The following STK33 variants were observed in gnomAD, a reference collection of about 807,000 sequenced individuals.
STK33 encodes serine/threonine-protein kinase 33.
A neutral mutation model predicts 58.0 loss-of-function variants in STK33; 52 were observed. The observed-to-expected ratio is 0.90, with a 90% CI of 0.72 to 1.13. STK33 has a LOEUF of 1.13. Ranked by LOEUF, STK33 falls within the 50% of genes most tolerant of loss-of-function variation. The pLI, the probability that STK33 is intolerant of heterozygous loss-of-function variation, is 0.00. For synonymous variants in STK33, 215 were observed against 200.1 expected, an observed-to-expected ratio of 1.07 and a Z score of -0.63; for missense variants, 630 against 604.2, an observed-to-expected ratio of 1.04 and a Z score of -0.45.
chr11:8,486,142 C>T (rs534302428), intron 1 of STK33, among the ~76,000 whole-genome samples: 1 of 152,250 alleles, frequency 6.6e-6, no homozygotes, highest in South Asian at 2.1e-4. Context: ...AAAGCTTTCT[C>T]CATACTCTAG....
chr11:8,550,278 G>A (rs1000637175), intron 1 of STK33, among the ~76,000 whole-genome samples: 6 of 152,034 alleles, frequency 3.9e-5, no homozygotes, highest in Non-Finnish European at 7.4e-5. Flanking sequence ...GTGATCTTTT[G>A]TAATTTTTTT....
the STK33 span, among the ~76,000 whole-genome samples, chr11:8,363,713 G>A: frequency 6.6e-6 from 1 of 152,150 alleles, no homozygotes; most frequent in African/African-American, 2.4e-5. Context: ...AGTCAGTGGA[G>A]GAAAAGTATA....
At chr11:8,430,858 T>C (rs1463451414) in intron 14 of STK33, among the ~76,000 whole-genome samples, 1 of 145,734 alleles carries the variant, frequency 6.9e-6, no homozygotes, top group Non-Finnish European at 1.5e-5. Context: ...GAGCTTTTCC[T>C]TAACATAATT....
chr11:8,582,643 T>C (rs531407962), intron 1 of STK33, among the ~76,000 whole-genome samples: 2 of 152,304 alleles, frequency 1.3e-5, no homozygotes, highest in African/African-American at 4.8e-5. Context: ...TTATGGGGAT[T>C]ATGGGAATTA....
At chr11:8,406,867 A>T (rs1350184501) in intron 15 of STK33, among the ~76,000 whole-genome samples, 1 of 152,074 alleles carries the variant, frequency 6.6e-6, no homozygotes, top group African/African-American at 2.4e-5. Context: ...CCTTTTGTAC[A>T]ATGATAAAGA....
chr11:8,557,276 G>A (rs1262917063), intron 1 of STK33, among the ~76,000 whole-genome samples: 1 of 38,710 alleles, frequency 2.6e-5, no homozygotes, highest in African/African-American at 1.2e-4. Flanking sequence ...GGAGGGGAGG[G>A]GAGGGGAGGG....
At chr11:8,532,797 T>C (rs905109150) in intron 1 of STK33, among the ~76,000 whole-genome samples, 1 of 152,112 alleles carries the variant, frequency 6.6e-6, no homozygotes, top group Non-Finnish European at 1.5e-5. Context: ...ATAAAATATA[T>C]AAGGTTTAAG....
intron 1 of STK33, among the ~76,000 whole-genome samples, chr11:8,562,271 C>A (rs1272099394): frequency 6.6e-6 from 1 of 152,110 alleles, no homozygotes; most frequent in Non-Finnish European, 1.5e-5. Context: ...ATTGTCATTT[C>A]TTCTTTCTTC....
the STK33 span, among the ~76,000 whole-genome samples, chr11:8,374,749 T>C: frequency 1.3e-5 from 2 of 152,078 alleles, no homozygotes; most frequent in Non-Finnish European, 2.9e-5. Context: ...CCTGTAACAG[T>C]GATGTTCACG....
chr11:8,416,294 T>A (rs907173434), intron 14 of STK33, among the ~76,000 whole-genome samples: 1 of 152,204 alleles, frequency 6.6e-6, no homozygotes, highest in South Asian at 2.1e-4. Context: ...CTCTGTCTTA[T>A]AAGTTATATG....
At chr11:8,358,962 T>C in the STK33 span, among the ~76,000 whole-genome samples, 1 of 152,110 alleles carries the variant, frequency 6.6e-6, no homozygotes, top group Non-Finnish European at 1.5e-5. Flanking sequence ...ACCCTGTGCC[T>C]CCCGACAAGA....
rs534304658 is a variant in STK33 at position 8,491,781 on chromosome 11, A to G, written c.-465-11167T>C. On this transcript the variant is annotated intron_variant, in intron 1 of 15. Transcript: ENST00000687296. ...ACTCTACAAGCCAGAAGAGAGTGAG[A>G]GCCAATATTCAACATTCTTAAAGAA... 2.4e-3 allele frequency among the ~76,000 whole-genome samples: 361 copies of G among 152,324 alleles called. 1 individual carries two copies. The highest frequency in any genetic ancestry group is 8.2e-3 in the African/African-American group (341 of 41,580).
chr11:8,375,540 T>A, the STK33 span, among the ~76,000 whole-genome samples: 1 of 152,250 alleles, frequency 6.6e-6, no homozygotes, highest in Non-Finnish European at 1.5e-5. Flanking sequence ...AGGATGTGTT[T>A]AAGCTTATAT....
chr11:8,499,360 A>G (rs1380130001), intron 1 of STK33, among the ~76,000 whole-genome samples: 1 of 152,218 alleles, frequency 6.6e-6, no homozygotes, highest in East Asian at 1.9e-4. Context: ...GCAAATCAAA[A>G]CCACAATGAG....
rs1248547726 is a variant in STK33, at chr11:8,546,980, A to G, written c.-466+47103T>C. On this transcript the variant is annotated intron_variant, in intron 1 of 15. Transcript: ENST00000687296. ...ACGGTAGACTATTTTTAGTTTTCTGAGGAACCTCCATACTGTTTCCATGAT... is the reference window on the plus strand; with the variant it reads ...ACGGTAGACTATTTTTAGTTTTCTGGGGAACCTCCATACTGTTTCCATGAT... 2.6e-5 allele frequency among the ~76,000 whole-genome samples: 4 copies of G among 152,144 alleles called. No individual in the cohort carries two copies. In the East Asian group the frequency reaches 7.7e-4, roughly 29 times the overall value.
chr11:8,535,755 G>A (rs1954944067), intron 1 of STK33, among the ~76,000 whole-genome samples: 1 of 152,058 alleles, frequency 6.6e-6, no homozygotes, highest in African/African-American at 2.4e-5. Context: ...CAAAGGAAAA[G>A]AAACCAATAT....
At chr11:8,499,028 A>T (rs1318905664) in intron 1 of STK33, among the ~76,000 whole-genome samples, 1 of 152,232 alleles carries the variant, frequency 6.6e-6, no homozygotes, top group Non-Finnish European at 1.5e-5. Flanking sequence ...ACGGGCAAAG[A>T]ATTCATGACT....
intron 4 of STK33, chr11:8,475,463 T>C (rs1949180749): frequency 6.6e-6 from 1 of 152,176 alleles, no homozygotes; most frequent in Non-Finnish European, 1.5e-5. Context: ...AAAATATTGG[T>C]GTTAAACATA....
intron 1 of STK33, among the ~76,000 whole-genome samples, chr11:8,592,925 T>A (rs1199434852): frequency 6.6e-6 from 1 of 152,150 alleles, no homozygotes; most frequent in East Asian, 1.9e-4. Flanking sequence ...TTAGATTAGT[T>A]AAGAGGCTAC....
Sources: gnomAD v4.1 joint callset for allele counts (sites outside exome capture counted in the v4.1 genomes callset) on GRCh38, gnomAD v4.1.1 for gene constraint, MANE v1.5 for transcripts, NCBI Gene and HGNC (gene_info 2026-07-23, HGNC 2026-07-21) for gene names.